The following ZNF783 variants were observed in gnomAD, a reference collection of about 807,000 sequenced individuals.
ZNF783 encodes zinc finger protein 783.
A neutral mutation model predicts 31.3 loss-of-function variants in ZNF783; 25 were observed. That is an observed-to-expected ratio of 0.80 (90% CI 0.58 to 1.11). The LOEUF (loss-of-function observed/expected upper bound fraction) is 1.11, where lower values mean the gene tolerates loss of function less well. Ranked by LOEUF, ZNF783 falls within the 50% of genes most tolerant of loss-of-function variation. The pLI is 0.00. For synonymous variants in ZNF783, 369 were observed against 319.1 expected, an observed-to-expected ratio of 1.16 and a Z score of -1.66; for missense variants, 797 against 760.0, an observed-to-expected ratio of 1.05 and a Z score of -0.57.
At chr7:149,274,077 T>C (rs1046650602) in intron 4 of ZNF783, among the ~76,000 whole-genome samples, 2 of 152,218 alleles carry the variant, frequency 1.3e-5, no homozygotes, top group African/African-American at 2.4e-5. Flanking sequence ...TTTAACTTGA[T>C]GTGATCCCGT....
At chr7:149,278,607 A>T in intron 5 of ZNF783, 80 bp downstream of exon 5, 2 of 1,573,486 alleles carry the variant, frequency 1.3e-6, no homozygotes, top group Non-Finnish European at 1.7e-6. Flanking sequence ...GCTGAGGAAA[A>T]GCCCTGGAAG....
In ZNF783 at chr7:149,281,960, G is replaced by T; in HGVS notation, c.1258G>T (p.Ala420Ser). Residue 420 changes from alanine (A) to serine (S), a missense_variant, in exon 6 of 6, where the codon GCA (alanine) becomes TCA (serine). By Grantham distance (99) the Ala-to-Ser change is moderately conservative. Transcript: ENST00000434415. Reference sequence around the variant, plus strand: ...GGAGCCTGAGGGTCGCCGCTCCGTGGCAGGGGGCCGTGCCTTGGTGGGGCG... The same window carrying T: ...GGAGCCTGAGGGTCGCCGCTCCGTGTCAGGGGGCCGTGCCTTGGTGGGGCG... ...PEEPEGRRSV[A>S]GGRALVGRRP... The T allele has an allele frequency of 6.4e-7, 1 of 1,567,286 alleles. No homozygotes were observed. The highest frequency in any genetic ancestry group is 8.6e-7 in the Non-Finnish European group (1 of 1,163,818).
Position 149,266,466 on chromosome 7 carries a change from C to T in ZNF783, c.156C>T (p.Ala52=). The T allele has an allele frequency of 6.2e-7, 1 of 1,610,486 alleles. No homozygotes were observed. Among genetic ancestry groups the T allele is most frequent in the Non-Finnish European group, 8.5e-7 (1 of 1,179,984 alleles). Residue 52 remains alanine (A), a synonymous_variant, in exon 2 of 6, where the codon GCC becomes GCT. Transcript: ENST00000434415. The stretch of plus-strand genomic sequence containing the variant: ...GGACGGTGGTGGCCGCCATTCAGGC[C>T]TTGGAGAAGAAGGTGGATTCCTGCC... ...TLWTVVAAIQ[A]LEKKVDSCLT...
intron 5 of ZNF783, among the ~76,000 whole-genome samples, chr7:149,280,330 C>T (rs1181746955): frequency 1.3e-5 from 2 of 152,140 alleles, no homozygotes; most frequent in African/African-American, 4.8e-5. Context: ...CAGGGACATC[C>T]TGCCAGGCAT....
chr7:149,265,292 C>T (rs1441043671), intron 1 of ZNF783, among the ~76,000 whole-genome samples: 1 of 152,066 alleles, frequency 6.6e-6, no homozygotes, highest in Non-Finnish European at 1.5e-5. Flanking sequence ...CCAGGGTAAG[C>T]TGAGGCACTT....
At chr7:149,276,653 T>TTTTA (rs10701540) in intron 4 of ZNF783, 75,792 of 756,354 alleles carry the variant, frequency 0.1, 3,791 homozygotes, top group East Asian at 0.23. Flanking sequence ...TTGGGTTACT[T>TTTTA]TTTATTTATT....
rs538455781 is a variant in ZNF783 at position 149,264,509 on chromosome 7, A to G, written c.25-1826A>G. On this transcript the variant is annotated intron_variant, in intron 1 of 5. Transcript: ENST00000434415. Reference sequence around the variant, plus strand: ...CATGAAGAAGTCTAGATCTTATGCCAGGTACACTGGGAAGCTATTGAAGAG... The same window carrying G: ...CATGAAGAAGTCTAGATCTTATGCCGGGTACACTGGGAAGCTATTGAAGAG... 5.9e-5 allele frequency among the ~76,000 whole-genome samples: 9 copies of G among 152,310 alleles called. No individual in the cohort carries two copies. In the South Asian group the frequency reaches 1.7e-3, roughly 28 times the overall value.
At chr7:149,276,633 A>T in intron 4 of ZNF783, 1 of 962,344 alleles carries the variant, frequency 1.0e-6, no homozygotes. Flanking sequence ...TAGAGTGGAC[A>T]GGACCCCACT....
At chr7:149,263,486 A>G (rs1213334898) in intron 1 of ZNF783, among the ~76,000 whole-genome samples, 1 of 151,816 alleles carries the variant, frequency 6.6e-6, no homozygotes, top group Non-Finnish European at 1.5e-5. Context: ...TGCCTGTCTC[A>G]TTTATATCTA....
At position 149,278,145 on chromosome 7, in the gene ZNF783, T is replaced by C. The variant is rs1439831667; in HGVS notation, c.674-254T>C. On this transcript the variant is annotated intron_variant, in intron 4 of 5. Coordinates refer to ENST00000434415, the MANE Select transcript of ZNF783 (RefSeq NM_001195220.2). ...TGCCTTAAAATGCCAGATTCTGTCA[T>C]GACCTGCCTGGCGATCATTACCGTG... is the stretch of plus-strand genomic sequence containing the variant. The C allele has an allele frequency of 4.0e-6, 5 of 1,252,528 alleles. No individual in the cohort carries two copies. The African/African-American group carries it at 6.1e-5, about 15-fold the overall frequency. The allele number at this position is 1,252,528 out of a possible 1,614,324, so 77.6% of individuals were successfully genotyped here. A position where few individuals can be genotyped will look rare whatever the true frequency, so the allele number is the denominator to read the frequency against.
chr7:149,276,282 T>G, intron 4 of ZNF783: 1 of 928,178 alleles, frequency 1.1e-6, no homozygotes, highest in Non-Finnish European at 1.3e-6. Flanking sequence ...GGCTTCATCC[T>G]GCTCAGTCAC....
chr7:149,263,464 T>C (rs1796993112), intron 1 of ZNF783, among the ~76,000 whole-genome samples: 1 of 152,000 alleles, frequency 6.6e-6, no homozygotes, highest in African/African-American at 2.4e-5. Context: ...TAGCTGGGAT[T>C]ACAGGCGCAG....
chr7:149,263,829 A>G (rs1404337859), intron 1 of ZNF783, among the ~76,000 whole-genome samples: 1 of 152,236 alleles, frequency 6.6e-6, no homozygotes, highest in Non-Finnish European at 1.5e-5. Flanking sequence ...TTATTAAAGT[A>G]TAACTTCCTC....
At chr7:149,270,562 T>C (rs1393631979) in intron 4 of ZNF783, among the ~76,000 whole-genome samples, 5 of 152,260 alleles carry the variant, frequency 3.3e-5, no homozygotes, top group African/African-American at 1.2e-4. Flanking sequence ...AGTTAAGTTA[T>C]TGTGACTTCA....
chr7:149,270,069 A>G (rs1224943991), intron 4 of ZNF783, among the ~76,000 whole-genome samples: 3 of 152,092 alleles, frequency 2.0e-5, no homozygotes, highest in Non-Finnish European at 4.4e-5. Context: ...CCAGTCTATC[A>G]TTGTTGGACA....
Position 149,278,438 on chromosome 7 carries a change from G to A in ZNF783, c.713G>A (p.Ser238Asn). 1 of 1,599,324 alleles carries A rather than the reference G, an allele frequency of 6.3e-7. No homozygotes were observed. The highest frequency in any genetic ancestry group is 8.5e-7 in the Non-Finnish European group (1 of 1,179,756). ...PYPEHLTSPL[S>N]PAQEELKEGQ... ...CCAGAGCACCTCACCAGCCCACTTAGCCCTGCCCAGGAGGAGCTGAAAGAA... is the reference window on the plus strand; with the variant it reads ...CCAGAGCACCTCACCAGCCCACTTAACCCTGCCCAGGAGGAGCTGAAAGAA... The change falls in exon 5 of 6, where the codon AGC becomes AAC. Residue 238 changes from serine (S) to asparagine (N), a missense_variant. Coordinates refer to ENST00000434415, the MANE Select transcript of ZNF783 (RefSeq NM_001195220.2).
intron 4 of ZNF783, among the ~76,000 whole-genome samples, chr7:149,272,101 C>G (rs2129524942): frequency 6.6e-6 from 1 of 152,096 alleles, no homozygotes; most frequent in Non-Finnish European, 1.5e-5. Context: ...CACTGTAATC[C>G]CTGACTCCTG....
rs1301415117 is a variant in ZNF783 at position 149,266,890 on chromosome 7, G to A, written c.492G>A (p.Gln164=). 1 of 1,614,054 alleles carries A rather than the reference G, an allele frequency of 6.2e-7. No individual in the cohort carries two copies. Among genetic ancestry groups the A allele is most frequent in the African/African-American group, 1.3e-5 (1 of 74,930 alleles). ...ELEWGKLEDW[Q]KELYKHVMRG... is the part of the protein sequence containing the mutation. The stretch of plus-strand genomic sequence containing the variant: ...AGTGGGGCAAGCTGGAGGACTGGCA[G>A]AAGGAGCTCTACAAGCACGTGATGA... The change falls in exon 3 of 6, where the codon CAG becomes CAA. Residue 164 remains glutamine (Q), a synonymous_variant. Coordinates refer to ENST00000434415, the MANE Select transcript of ZNF783 (RefSeq NM_001195220.2).
Position 149,282,589 on chromosome 7 carries a change from A to C in ZNF783, c.*246A>C. On this transcript the variant is annotated 3_prime_UTR_variant, in exon 6 of 6. Transcript: ENST00000434415. ...AGGCTTAAGGGATGCCATATTTTTG[A>C]TAAGGCCTCTGGTAGGTACCACAGC... 1 of 468,508 alleles carries C rather than the reference A, an allele frequency of 2.1e-6. No homozygotes were observed. Among genetic ancestry groups the C allele is most frequent in the Non-Finnish European group, 3.7e-6 (1 of 268,730 alleles). 29.0% of individuals were successfully genotyped at this position (468,508 alleles called of 1,614,324 possible).
Sources: gnomAD v4.1 joint callset for allele counts (sites outside exome capture counted in the v4.1 genomes callset) on GRCh38, gnomAD v4.1.1 for gene constraint, MANE v1.5 for transcripts, NCBI Gene and HGNC (gene_info 2026-07-23, HGNC 2026-07-21) for gene names.